ZNF804B: variants seen among roughly 807,000 people sequenced by gnomAD.
The protein encoded by ZNF804B is zinc finger 804B.
A neutral mutation model predicts 101.4 loss-of-function variants in ZNF804B; 80 were observed. The observed-to-expected ratio is 0.79, with a 90% confidence interval of 0.66 to 0.95. The LOEUF is 0.95. Among genes scored for constraint, ZNF804B ranks in the 40% least tolerant of loss-of-function variants. The pLI is 0.00. For missense variants in ZNF804B, 1,673 were observed against 1,561.9 expected (o/e 1.07, Z -1.20); for synonymous variants, 622 against 558.8 (o/e 1.11, Z -1.59).
intron 1 of ZNF804B, among the ~76,000 whole-genome samples, chr7:89,007,731 A>G (rs920264804): frequency 1.7e-4 from 25 of 150,190 alleles, no homozygotes; most frequent in African/African-American, 6.1e-4. Flanking sequence ...AAAAGGCAAA[A>G]TCATGACTCA....
At chr7:89,298,198 T>C in intron 2 of ZNF804B, among the ~76,000 whole-genome samples, 1 of 110,870 alleles carries the variant, frequency 9.0e-6, no homozygotes, top group African/African-American at 3.6e-5. Flanking sequence ...TATATATCTA[T>C]ATAGTGTGTG....
intron 1 of ZNF804B, among the ~76,000 whole-genome samples, chr7:89,155,470 C>G: frequency 6.6e-6 from 1 of 152,144 alleles, no homozygotes; most frequent in South Asian, 2.1e-4. Context: ...TGGACTCCTA[C>G]CTGGTCTCTC....
At chr7:89,015,122 A>G (rs1788526205) in intron 1 of ZNF804B, among the ~76,000 whole-genome samples, 1 of 152,148 alleles carries the variant, frequency 6.6e-6, no homozygotes, top group South Asian at 2.1e-4. Flanking sequence ...CTTAGTGGAT[A>G]TACTTGACAC....
intron 1 of ZNF804B, among the ~76,000 whole-genome samples, chr7:88,862,624 C>G (rs1173595220): frequency 6.6e-6 from 1 of 152,064 alleles, no homozygotes; most frequent in South Asian, 2.1e-4. Flanking sequence ...TTATGAAATA[C>G]GTGATCACTA....
rs189547716 is a variant in ZNF804B at position 89,169,045 on chromosome 7, A to G, written c.109-49110A>G. Among the ~76,000 whole-genome samples, 112 of 152,238 alleles carry G rather than the reference A, an allele frequency of 7.4e-4. 1 individual carries two copies. In the East Asian group the frequency reaches 0.017, roughly 23 times the overall value. On this transcript the variant is annotated intron_variant, in intron 1 of 3. Transcript: ENST00000333190. ...AAGAGAACCGTGGAACCCAGTGACT[A>G]GTGTTCAGCTCAATCAGGACGAACC...
At chr7:89,250,056 C>T (rs1279017842) in intron 2 of ZNF804B, among the ~76,000 whole-genome samples, 2 of 151,858 alleles carry the variant, frequency 1.3e-5, no homozygotes, top group African/African-American at 2.4e-5. Flanking sequence ...GGTGTGTTGG[C>T]GGGTGCCTGT....
At chr7:89,002,134 A>G (rs186176804) in intron 1 of ZNF804B, among the ~76,000 whole-genome samples, 6 of 151,752 alleles carry the variant, frequency 4.0e-5, no homozygotes, top group African/African-American at 1.4e-4. Flanking sequence ...GAGATCAAAA[A>G]CTAAAACACT....
intron 1 of ZNF804B, among the ~76,000 whole-genome samples, chr7:88,821,917 A>T (rs1790987921): frequency 6.6e-6 from 1 of 152,134 alleles, no homozygotes; most frequent in South Asian, 2.1e-4. Flanking sequence ...AGCAAAAAGT[A>T]TGAGGAATGC....
chr7:89,102,960 T>C (rs1413032876), intron 1 of ZNF804B, among the ~76,000 whole-genome samples: 2 of 151,650 alleles, frequency 1.3e-5, no homozygotes, highest in Admixed American at 6.6e-5. Flanking sequence ...CAATTGTTTA[T>C]TTTTGTTGAC....
At chr7:89,247,791 G>C (rs962376859) in intron 2 of ZNF804B, among the ~76,000 whole-genome samples, 6 of 152,040 alleles carry the variant, frequency 3.9e-5, no homozygotes, top group African/African-American at 1.4e-4. Flanking sequence ...GGAATTCAAA[G>C]CATGGATTAC....
intron 1 of ZNF804B, among the ~76,000 whole-genome samples, chr7:89,091,043 C>T (rs188130137): frequency 7.2e-5 from 11 of 152,150 alleles, no homozygotes; most frequent in Middle Eastern, 3.4e-3. Flanking sequence ...CATAATGCTT[C>T]GTCTAAATTT....
chr7:88,861,892 G>A (rs1249964050), intron 1 of ZNF804B, among the ~76,000 whole-genome samples: 1 of 152,094 alleles, frequency 6.6e-6, no homozygotes, highest in Non-Finnish European at 1.5e-5. Flanking sequence ...TTAGAATTAT[G>A]GGAACAAGAA....
chr7:89,295,319 C>T (rs1044088476), intron 2 of ZNF804B, among the ~76,000 whole-genome samples: 5 of 152,224 alleles, frequency 3.3e-5, no homozygotes, highest in African/African-American at 1.2e-4. Flanking sequence ...CTATGTAGTA[C>T]AGTTGCTCAA....
intron 1 of ZNF804B, among the ~76,000 whole-genome samples, chr7:88,890,816 G>A (rs1250841209): frequency 1.3e-5 from 2 of 151,906 alleles, no homozygotes. Context: ...TAACATTTGA[G>A]TTGATTCCAA....
chr7:89,278,934 C>T (rs1379861118), intron 2 of ZNF804B, among the ~76,000 whole-genome samples: 3 of 152,002 alleles, frequency 2.0e-5, no homozygotes, highest in Admixed American at 6.6e-5. Flanking sequence ...CTGTAAATTA[C>T]CTTGGGCAGT....
At chr7:88,774,060 G>A (rs1018971890) in intron 1 of ZNF804B, among the ~76,000 whole-genome samples, 3 of 151,972 alleles carry the variant, frequency 2.0e-5, no homozygotes, top group Non-Finnish European at 2.9e-5. Context: ...TGAAATGGAT[G>A]GACTGAGATA....
intron 1 of ZNF804B, among the ~76,000 whole-genome samples, chr7:88,804,576 G>A (rs1329656094): frequency 6.6e-6 from 1 of 151,730 alleles, no homozygotes; most frequent in African/African-American, 2.4e-5. Context: ...ACATTATGAT[G>A]AGGTGACATA....
chr7:89,049,481 T>TA (rs2116262430), intron 1 of ZNF804B, among the ~76,000 whole-genome samples: 1 of 152,268 alleles, frequency 6.6e-6, no homozygotes, highest in African/African-American at 2.4e-5. Flanking sequence ...TGTGAATACT[T>TA]ACACCACAGA....
intron 1 of ZNF804B, among the ~76,000 whole-genome samples, chr7:88,829,915 T>G (rs1791107114): frequency 1.3e-5 from 2 of 152,150 alleles, no homozygotes; most frequent in African/African-American, 4.8e-5. Flanking sequence ...TTATTTACCT[T>G]GAATCAAAAT....
Sources: gnomAD v4.1 joint callset for allele counts (sites outside exome capture counted in the v4.1 genomes callset) on GRCh38, gnomAD v4.1.1 for gene constraint, MANE v1.5 for transcripts, NCBI Gene and HGNC (gene_info 2026-07-23, HGNC 2026-07-21) for gene names.